Variants in ADGRL2 observed in about 807,000 individuals in gnomAD.
The protein encoded by ADGRL2 is adhesion G protein-coupled receptor L2.
Under a neutral mutation model 157.4 loss-of-function variants are expected in ADGRL2, and 44 were observed. The observed-to-expected ratio is 0.28, with a 90% CI of 0.22 to 0.36. The LOEUF is 0.36. Among genes scored for constraint, ADGRL2 ranks in the 10% least tolerant of loss-of-function variants. The pLI is 1.00. For synonymous variants in ADGRL2, 585 were observed against 624.7 expected (o/e 0.94, Z 0.95); for missense variants, 1,510 against 1,768.9 (o/e 0.85, Z 2.63).
intron 1 of ADGRL2, among the ~76,000 whole-genome samples, chr1:81,309,855 G>A (rs1659621266): frequency 6.6e-6 from 1 of 152,088 alleles, no homozygotes; most frequent in Non-Finnish European, 1.5e-5. Context: ...TTTAAAATTT[G>A]TCAGTGGTGT....
intron 3 of ADGRL2, among the ~76,000 whole-genome samples, chr1:81,933,429 A>C: frequency 6.6e-6 from 1 of 152,198 alleles, no homozygotes; most frequent in Non-Finnish European, 1.5e-5. Context: ...AGGGAGAGAA[A>C]GTCATGCCAG....
At chr1:81,558,868 T>A (rs939173540) in intron 2 of ADGRL2, among the ~76,000 whole-genome samples, 1 of 152,192 alleles carries the variant, frequency 6.6e-6, no homozygotes, top group African/African-American at 2.4e-5. Flanking sequence ...GTTCTTGGAC[T>A]GGTGTCATGC....
At chr1:81,784,018 T>G (rs989297484) in intron 2 of ADGRL2, among the ~76,000 whole-genome samples, 3 of 152,196 alleles carry the variant, frequency 2.0e-5, no homozygotes, top group Admixed American at 2.0e-4. Flanking sequence ...TGAGCTTCCA[T>G]AACATGCTTA....
chr1:81,879,551 A>G lies in ADGRL2; in HGVS notation c.74-27466A>G, dbSNP rs115499482. ...AAAACAACTTAAAATGCATTTGCCT[A>G]AGTGAGCCAGGTAGATTTATAATGA... On this transcript the variant is annotated intron_variant, in intron 2 of 23. Coordinates refer to ENST00000686636, the MANE Select transcript of ADGRL2 (RefSeq NM_001366006.2). Among the ~76,000 whole-genome samples the G allele has an allele frequency of 6.4e-3, 975 of 151,930 alleles. 7 individuals carry two copies. The highest frequency in any genetic ancestry group is 0.022 in the African/African-American group (902 of 41,460).
intron 2 of ADGRL2, among the ~76,000 whole-genome samples, chr1:81,455,692 G>A (rs955475738): frequency 1.9e-4 from 29 of 152,268 alleles, no homozygotes; most frequent in Non-Finnish European, 3.5e-4. Flanking sequence ...ATTTGTATAT[G>A]TTCTGTTTCT....
chr1:81,713,896 C>A (rs1361979337), intron 1 of ADGRL2, among the ~76,000 whole-genome samples: 1 of 152,114 alleles, frequency 6.6e-6, no homozygotes, highest in African/African-American at 2.4e-5. Flanking sequence ...ATACCGGAGA[C>A]TGGGGAATTT....
chr1:81,617,445 G>T (rs2081683531), intron 3 of ADGRL2, among the ~76,000 whole-genome samples: 1 of 152,150 alleles, frequency 6.6e-6, no homozygotes, highest in Non-Finnish European at 1.5e-5. Flanking sequence ...AAAATAGCAG[G>T]CAACACCACT....
intron 1 of ADGRL2, among the ~76,000 whole-genome samples, chr1:81,823,179 C>T (rs1234966005): frequency 1.3e-5 from 2 of 151,564 alleles, no homozygotes; most frequent in Non-Finnish European, 2.9e-5. Context: ...ATGAAAGTTT[C>T]CAGTTTTAAA....
At chr1:81,802,496 C>T (rs904229089) in intron 1 of ADGRL2, among the ~76,000 whole-genome samples, 4 of 152,122 alleles carry the variant, frequency 2.6e-5, no homozygotes, top group African/African-American at 9.7e-5. Context: ...GCCATTGTAA[C>T]GCTCTCCAGG....
chr1:81,742,361 T>A (rs1327113349), intron 1 of ADGRL2, among the ~76,000 whole-genome samples: 2 of 151,984 alleles, frequency 1.3e-5, no homozygotes, highest in African/African-American at 4.8e-5. Flanking sequence ...ATTGCTAAAC[T>A]CTTGTACTGT....
intron 3 of ADGRL2, among the ~76,000 whole-genome samples, chr1:81,598,743 A>T: frequency 6.6e-6 from 1 of 152,266 alleles, no homozygotes; most frequent in East Asian, 1.9e-4. Context: ...CAGCCTCTTC[A>T]CATCAGTGGC....
chr1:81,445,616 C>T (rs1316533672), intron 2 of ADGRL2, among the ~76,000 whole-genome samples: 1 of 152,108 alleles, frequency 6.6e-6, no homozygotes, highest in Admixed American at 6.6e-5. Context: ...CATTTGCTTT[C>T]CTGGTTATTA....
At chr1:81,737,575 G>A (rs1341177795) in intron 1 of ADGRL2, among the ~76,000 whole-genome samples, 1 of 152,186 alleles carries the variant, frequency 6.6e-6, no homozygotes, top group Non-Finnish European at 1.5e-5. Context: ...CATGTTCATG[G>A]AGCTCAGTTT....
chr1:81,863,878 A>G (rs1296610072), intron 2 of ADGRL2, among the ~76,000 whole-genome samples: 2 of 152,188 alleles, frequency 1.3e-5, no homozygotes, highest in African/African-American at 4.8e-5. Context: ...GTAATTCCTT[A>G]GTACCAAGAG....
At chr1:81,686,628 T>C (rs2083233780) in intron 3 of ADGRL2, among the ~76,000 whole-genome samples, 1 of 152,206 alleles carries the variant, frequency 6.6e-6, no homozygotes, top group Admixed American at 6.5e-5. Context: ...TTTGTTTCAG[T>C]TTCATTTAAT....
chr1:81,638,757 G>T (rs974613542), intron 3 of ADGRL2, among the ~76,000 whole-genome samples: 2 of 152,160 alleles, frequency 1.3e-5, no homozygotes, highest in Admixed American at 1.3e-4. Flanking sequence ...GGCAGAAAAA[G>T]AGTGGAAGAC....
chr1:81,361,209 G>T (rs978257307), intron 1 of ADGRL2, among the ~76,000 whole-genome samples: 18 of 151,930 alleles, frequency 1.2e-4, no homozygotes, highest in African/African-American at 3.9e-4. Flanking sequence ...TATTCCCTCT[G>T]AGTGGCGATC....
chr1:81,717,418 T>C (rs2084156468), intron 1 of ADGRL2, among the ~76,000 whole-genome samples: 1 of 152,180 alleles, frequency 6.6e-6, no homozygotes, highest in Non-Finnish European at 1.5e-5. Flanking sequence ...ACACAGATCA[T>C]ATGACTAATC....
In ADGRL2 at chr1:81,608,101, T is replaced by C. The variant is rs539575661; in HGVS notation, c.-143+27121T>C. 3.9e-5 allele frequency among the ~76,000 whole-genome samples: 6 copies of C among 152,312 alleles called. No homozygotes were observed. In the South Asian group the frequency reaches 1.2e-3, roughly 32 times the overall value. ...GTGGGTTTCACTGTACTGGCAACTCTCGTGGGTTCCTTTTTTCTGCTACAC... is the reference window on the plus strand; with the variant it reads ...GTGGGTTTCACTGTACTGGCAACTCCCGTGGGTTCCTTTTTTCTGCTACAC... On this transcript the variant is annotated intron_variant, in intron 3 of 24. Transcript: ENST00000370721.
Sources: gnomAD v4.1 joint callset for allele counts (sites outside exome capture counted in the v4.1 genomes callset) on GRCh38, gnomAD v4.1.1 for gene constraint, MANE v1.5 for transcripts, NCBI Gene and HGNC (gene_info 2026-07-23, HGNC 2026-07-21) for gene names.